SCGB2B2: variants seen among roughly 807,000 people sequenced by gnomAD.
SCGB2B2 encodes secretoglobin-like protein.
Under a neutral mutation model 7.6 loss-of-function variants are expected in SCGB2B2, and 11 were observed. The ratio of observed to expected loss-of-function variants is 1.45; its 90% CI spans 0.91 to 2.40. The LOEUF is 2.40. SCGB2B2 is among the 30% of genes most tolerant of loss of function. The pLI is 0.00. For missense variants in SCGB2B2, 104 were observed against 115.4 expected (o/e 0.90, Z 0.45); for synonymous variants, 50 against 48.6 (o/e 1.03, Z -0.12).
intron 1 of SCGB2B2, among the ~76,000 whole-genome samples, chr19:34,613,387 T>C (rs548447198): frequency 2.6e-5 from 4 of 152,292 alleles, no homozygotes; most frequent in East Asian, 1.9e-4. Context: ...GTGTGAGCCA[T>C]TGGGCCTGGC....
At chr19:34,612,975 A>T (rs989514056) in intron 1 of SCGB2B2, among the ~76,000 whole-genome samples, 16 of 152,306 alleles carry the variant, frequency 1.1e-4, no homozygotes, top group African/African-American at 3.9e-4. Flanking sequence ...TATCATTATG[A>T]ATGACCTTCT....
intron 1 of SCGB2B2, among the ~76,000 whole-genome samples, chr19:34,616,209 A>T (rs1310033641): frequency 1.3e-5 from 2 of 151,256 alleles, no homozygotes; most frequent in Non-Finnish European, 2.9e-5. Flanking sequence ...TACCCAGTAA[A>T]GGGATCACTG....
intron 1 of SCGB2B2, chr19:34,632,836 G>A (rs1226560428): frequency 1.3e-5 from 2 of 152,244 alleles, no homozygotes; most frequent in Non-Finnish European, 2.9e-5. Context: ...GATGGCAAAA[G>A]CCTTGACCCA....
chr19:34,625,544 A>C (rs907759264), intron 1 of SCGB2B2, among the ~76,000 whole-genome samples: 2 of 152,178 alleles, frequency 1.3e-5, no homozygotes, highest in African/African-American at 4.8e-5. Flanking sequence ...TCTGAGATCA[A>C]ACTGCAAGGC....
In SCGB2B2 at chr19:34,637,573, A is replaced by G. The variant is rs2066719914; in HGVS notation, c.-2032+38057T>C. On this transcript the variant is annotated intron_variant, in intron 1 of 3. Transcript: ENST00000601241. ...GAGCTTCAATTCTTAAAAGTGCTAC[A>G]CTCCACAACTCATCATGAGACAGGC... The G allele has an allele frequency of 3.8e-5, 7 of 184,840 alleles. No homozygotes were observed. The Admixed American group carries it at 4.1e-4, about 11-fold the overall frequency. The allele number at this position is 184,840 out of a possible 1,614,324, so 11.4% of individuals were successfully genotyped here. A position where few individuals can be genotyped will look rare whatever the true frequency, so the allele number is the denominator to read the frequency against.
chr19:34,618,353 CA>C (rs1327413893), intron 1 of SCGB2B2, among the ~76,000 whole-genome samples: 1 of 152,224 alleles, frequency 6.6e-6, no homozygotes, highest in Non-Finnish European at 1.5e-5. Context: ...TGTTGAACAG[CA>C]GATTAATTCT....
chr19:34,589,409 T>G (rs2065249231), downstream of SCGB2B2, among the ~76,000 whole-genome samples: 1 of 152,150 alleles, frequency 6.6e-6, no homozygotes, highest in Non-Finnish European at 1.5e-5. Context: ...TCAGGAGTCC[T>G]GGGAGGCCCC....
chr19:34,605,863 G>C (rs1022198130), intron 1 of SCGB2B2, among the ~76,000 whole-genome samples: 5 of 151,978 alleles, frequency 3.3e-5, no homozygotes, highest in African/African-American at 1.2e-4. Context: ...GAAACTGCTG[G>C]GATTACAGGC....
chr19:34,638,961 T>C (rs1282986382), intron 1 of SCGB2B2, among the ~76,000 whole-genome samples: 4 of 152,224 alleles, frequency 2.6e-5, no homozygotes, highest in Non-Finnish European at 5.9e-5. Context: ...AAGGGACCTC[T>C]GCAGACTCTT....
intron 1 of SCGB2B2, among the ~76,000 whole-genome samples, chr19:34,625,257 T>C (rs1182934415): frequency 6.6e-6 from 1 of 151,430 alleles, no homozygotes; most frequent in Non-Finnish European, 1.5e-5. Flanking sequence ...CACTGTGGAG[T>C]GTTGGATAGT....
intron 1 of SCGB2B2, among the ~76,000 whole-genome samples, chr19:34,638,585 G>A (rs1215209071): frequency 2.6e-5 from 4 of 152,060 alleles, no homozygotes; most frequent in Non-Finnish European, 4.4e-5. Context: ...ATTACCATTG[G>A]CCTTGATAGC....
intron 1 of SCGB2B2, among the ~76,000 whole-genome samples, chr19:34,654,763 A>G (rs1310232125): frequency 6.6e-6 from 1 of 150,762 alleles, no homozygotes; most frequent in Non-Finnish European, 1.5e-5. Flanking sequence ...TCAGCACTCC[A>G]CATACCCTAG....
rs1790023336 is a variant in SCGB2B2 at position 34,676,714 on chromosome 19, G to A, written c.-3116C>T. The stretch of plus-strand genomic sequence containing the variant: ...GCACTGCTTCACGAAGATCATGCAG[G>A]TCAGTACTTAATAAGTACAAAAAAG... On this transcript the variant is annotated 5_prime_UTR_variant, in exon 1 of 4. Coordinates refer to ENST00000601241, the MANE Select transcript of SCGB2B2 (RefSeq NM_001025591.4). 1 of 152,258 alleles carries A rather than the reference G, an allele frequency of 6.6e-6. No individual in the cohort carries two copies. Among genetic ancestry groups the A allele is most frequent in the Admixed American group, 6.5e-5 (1 of 15,300 alleles). The allele number at this position is 152,258 out of a possible 1,614,324, so 9.4% of individuals were successfully genotyped here. A position where few individuals can be genotyped will look rare whatever the true frequency, so the allele number is the denominator to read the frequency against.
intron 1 of SCGB2B2, among the ~76,000 whole-genome samples, chr19:34,643,513 G>C (rs1413998988): frequency 1.3e-5 from 2 of 152,176 alleles, no homozygotes; most frequent in Non-Finnish European, 1.5e-5. Flanking sequence ...TAGCAGAATA[G>C]AGTGACCATA....
intron 1 of SCGB2B2, among the ~76,000 whole-genome samples, chr19:34,633,357 C>T (rs2066587902): frequency 6.6e-6 from 1 of 152,104 alleles, no homozygotes; most frequent in African/African-American, 2.4e-5. Context: ...GTAATAGCCC[C>T]AAACTAGAAG....
At chr19:34,609,916 C>T (rs111973007) in intron 1 of SCGB2B2, among the ~76,000 whole-genome samples, 30 of 152,032 alleles carry the variant, frequency 2.0e-4, no homozygotes, top group African/African-American at 3.4e-4. Flanking sequence ...TTTGGTAATA[C>T]GCTCATTTTT....
intron 1 of SCGB2B2, among the ~76,000 whole-genome samples, chr19:34,642,869 C>A (rs1414181338): frequency 1.3e-5 from 2 of 151,974 alleles, no homozygotes; most frequent in African/African-American, 4.8e-5. Context: ...TATCACTTCA[C>A]CCAAGTTAGA....
Position 34,591,093 on chromosome 19 carries a change from T to C in SCGB2B2, c.*2462A>G, listed in dbSNP as rs1452943173. Among the ~76,000 whole-genome samples, 1 of 152,190 alleles carries C rather than the reference T, an allele frequency of 6.6e-6. No homozygotes were observed. Among genetic ancestry groups the C allele is most frequent in the Non-Finnish European group, 1.5e-5 (1 of 68,036 alleles). On this transcript the variant is annotated 3_prime_UTR_variant, in exon 4 of 4. Transcript: ENST00000601241. The stretch of plus-strand genomic sequence containing the variant: ...AAATGCTGAAATTTACATGTTTTTG[T>C]CTCCAGGCCCAACTATTCCATGAGC...
At chr19:34,658,268 G>A (rs1272124733) in intron 1 of SCGB2B2, among the ~76,000 whole-genome samples, 2 of 152,080 alleles carry the variant, frequency 1.3e-5, no homozygotes, top group African/African-American at 4.8e-5. Context: ...GAAGGAGATA[G>A]AGATACAAAA....
Sources: gnomAD v4.1 joint callset for allele counts (sites outside exome capture counted in the v4.1 genomes callset) on GRCh38, gnomAD v4.1.1 for gene constraint, MANE v1.5 for transcripts, NCBI Gene and HGNC (gene_info 2026-07-23, HGNC 2026-07-21) for gene names.